DLGAP2: variants seen among roughly 807,000 people sequenced by gnomAD.
DLGAP2 encodes disks large-associated protein 2.
DLGAP2 carries 26 observed loss-of-function variants against 100.3 expected under a neutral mutation model. That is an observed-to-expected ratio of 0.26 (90% CI 0.19 to 0.36). The LOEUF is 0.36. Ranked by LOEUF, DLGAP2 falls within the 10% of genes least tolerant of loss-of-function variation. The pLI is 1.00. For synonymous variants in DLGAP2, 886 were observed against 630.1 expected, an observed-to-expected ratio of 1.41 and a Z score of -6.08; for missense variants, 1,858 against 1,453.2, an observed-to-expected ratio of 1.28 and a Z score of -4.53.
rs1163552916 is a variant in DLGAP2, at chr8:1,465,366, TGAAGAGATGAGCAGAGCGAAGG to T, written c.107-35983_107-35962del. ...AGATGAGCAGAGGGAAGGGGACAGATGAAGAGATGAGCAGAGCGAAGGGAAGAGATGAGCAGAGGGAAGGGGA... is the reference window on the plus strand; with the variant it reads ...AGATGAGCAGAGGGAAGGGGACAGATGAAGAGATGAGCAGAGGGAAGGGGA... On this transcript the variant is annotated intron_variant, in intron 3 of 14. Transcript: ENST00000637795. Among the ~76,000 whole-genome samples the T allele has an allele frequency of 6.7e-5, 10 of 149,688 alleles. No individual in the cohort carries two copies. The South Asian group carries it at 2.1e-3, about 32-fold the overall frequency.
chr8:971,270 C>A (rs1228281253), intron 2 of DLGAP2, among the ~76,000 whole-genome samples: 1 of 152,176 alleles, frequency 6.6e-6, no homozygotes, highest in African/African-American at 2.4e-5. Context: ...AATAACCCAA[C>A]TGAAAAGTGG....
At chr8:1,102,282 A>G (rs1446367488) in intron 2 of DLGAP2, among the ~76,000 whole-genome samples, 5 of 147,740 alleles carry the variant, frequency 3.4e-5, no homozygotes, top group African/African-American at 2.5e-5. Context: ...TATAATATAT[A>G]ATATAAAAAT....
intron 3 of DLGAP2, among the ~76,000 whole-genome samples, chr8:1,434,723 C>T (rs552480572): frequency 6.6e-6 from 1 of 152,168 alleles, no homozygotes; most frequent in African/African-American, 2.4e-5. Context: ...AATCTTCCAG[C>T]CTTTGTCTTC....
At chr8:830,492 A>G (rs1300553833) in intron 1 of DLGAP2, among the ~76,000 whole-genome samples, 2 of 152,030 alleles carry the variant, frequency 1.3e-5, no homozygotes, top group East Asian at 3.9e-4. Context: ...TCTACTCTCT[A>G]TCTCCGTGAG....
rs374245034 is a variant in DLGAP2 at position 1,346,280 on chromosome 8, C to G, written c.106+87397C>G. ...ATGGTAGCTGTGTGGATGTTGAGTT[C>G]CCATACACATCTGCATTGCTCTCAT... On this transcript the variant is annotated intron_variant, in intron 3 of 14. Coordinates refer to ENST00000637795, the MANE Select transcript of DLGAP2 (RefSeq NM_001346810.2). 1.3e-3 allele frequency among the ~76,000 whole-genome samples: 200 copies of G among 151,276 alleles called. 1 individual carries two copies. The highest frequency in any genetic ancestry group is 4.7e-3 in the African/African-American group (193 of 41,170).
chr8:1,214,909 G>A (rs577789235), intron 2 of DLGAP2, among the ~76,000 whole-genome samples: 3 of 152,356 alleles, frequency 2.0e-5, no homozygotes, highest in East Asian at 3.9e-4. Context: ...AATTGGGGCA[G>A]TTGCTTCCCT....
At chr8:1,527,790 A>C (rs1299567061) in intron 4 of DLGAP2, among the ~76,000 whole-genome samples, 1 of 152,198 alleles carries the variant, frequency 6.6e-6, no homozygotes, top group Non-Finnish European at 1.5e-5. Context: ...GACACAGTGC[A>C]CGCGTTTAGC....
At chr8:1,514,577 T>C (rs1407612437) in intron 4 of DLGAP2, among the ~76,000 whole-genome samples, 2 of 152,262 alleles carry the variant, frequency 1.3e-5, no homozygotes, top group South Asian at 2.1e-4. Context: ...CAGCCATTTA[T>C]GGGTGTTTCT....
At chr8:808,480 G>C (rs1198771072) in intron 1 of DLGAP2, among the ~76,000 whole-genome samples, 1 of 152,202 alleles carries the variant, frequency 6.6e-6, no homozygotes, top group African/African-American at 2.4e-5. Context: ...CCCCAAAAGG[G>C]CGTTCTGGGA....
chr8:859,883 G>A (rs768497742), intron 1 of DLGAP2, among the ~76,000 whole-genome samples: 5 of 152,116 alleles, frequency 3.3e-5, no homozygotes, highest in African/African-American at 4.8e-5. Flanking sequence ...GTTTATAAAC[G>A]CACACATGAG....
chr8:1,693,927 C>T (rs1245476937), intron 13 of DLGAP2, among the ~76,000 whole-genome samples: 1 of 152,172 alleles, frequency 6.6e-6, no homozygotes, highest in African/African-American at 2.4e-5. Flanking sequence ...GGAATTGATT[C>T]GGGCCACTGA....
intron 8 of DLGAP2, among the ~76,000 whole-genome samples, chr8:1,661,241 G>A (rs537808097): frequency 9.2e-5 from 14 of 152,290 alleles, no homozygotes; most frequent in East Asian, 3.9e-4. Flanking sequence ...TCCTCATCCC[G>A]CTGAGGTGCT....
chr8:936,282 G>T (rs1299150327), intron 2 of DLGAP2, among the ~76,000 whole-genome samples: 1 of 152,166 alleles, frequency 6.6e-6, no homozygotes, highest in East Asian at 1.9e-4. Flanking sequence ...ACCCAAGGGG[G>T]CTCTATTTGA....
intron 2 of DLGAP2, among the ~76,000 whole-genome samples, chr8:1,093,054 G>A (rs1158521043): frequency 9.3e-6 from 1 of 107,852 alleles, no homozygotes; most frequent in Non-Finnish European, 2.0e-5. Flanking sequence ...AGCTGAGGCT[G>A]GCAGCTGAGG....
chr8:1,027,986 C>T lies in DLGAP2; in HGVS notation c.73+120020C>T, dbSNP rs187667611. Among the ~76,000 whole-genome samples, 412 of 143,260 alleles carry T rather than the reference C, an allele frequency of 2.9e-3. 16 individuals are homozygous for T. The highest frequency in any genetic ancestry group is 0.018 in the Middle Eastern group (4 of 222). The allele number at this position is 143,260 out of a possible 152,430, so 94.0% of individuals were successfully genotyped here. A position where few individuals can be genotyped will look rare whatever the true frequency, so the allele number is the denominator to read the frequency against. On this transcript the variant is annotated intron_variant, in intron 2 of 14. Transcript: ENST00000637795. ...GTTATTCTCTAGGTGGGGTGTCAGG[C>T]GCCCATTATTCTCCAGGAGCAGTGC...
intron 2 of DLGAP2, among the ~76,000 whole-genome samples, chr8:912,684 C>A (rs564847172): frequency 6.7e-6 from 1 of 148,786 alleles, no homozygotes; most frequent in South Asian, 2.2e-4. Flanking sequence ...GTGGAGCTGA[C>A]CCCCGCACCG....
chr8:947,706 G>A (rs1180133902), intron 2 of DLGAP2, among the ~76,000 whole-genome samples: 1 of 152,208 alleles, frequency 6.6e-6, no homozygotes, highest in East Asian at 1.9e-4. Flanking sequence ...CTCCGGGAAG[G>A]GCTCTGCCAA....
chr8:1,436,689 G>C (rs1797640624), intron 3 of DLGAP2, among the ~76,000 whole-genome samples: 1 of 152,058 alleles, frequency 6.6e-6, no homozygotes, highest in South Asian at 2.1e-4. Flanking sequence ...GTAGCATACA[G>C]TGATGTCTCG....
chr8:1,004,540 C>T (rs796337339), intron 2 of DLGAP2, among the ~76,000 whole-genome samples: 1 of 152,202 alleles, frequency 6.6e-6, no homozygotes, highest in East Asian at 1.9e-4. Flanking sequence ...CTGGAATCTC[C>T]CTTTGGCCTC....
Sources: allele counts gnomAD v4.1 joint callset (sites outside exome capture counted in the v4.1 genomes callset), GRCh38; gene constraint gnomAD v4.1.1; transcripts MANE v1.5; gene names NCBI Gene and HGNC (gene_info 2026-07-23, HGNC 2026-07-21).